The following MAP2 variants were observed in gnomAD, a reference collection of about 807,000 sequenced individuals.
The protein encoded by MAP2 is microtubule-associated protein 2.
MAP2 carries 14 observed loss-of-function variants against 137.6 expected under a neutral mutation model. The observed-to-expected ratio is 0.10, with a 90% CI of 0.07 to 0.16. The LOEUF is 0.16. MAP2 is among the 10% of genes least tolerant of loss of function. The pLI, the probability that MAP2 is intolerant of heterozygous loss-of-function variation, is 1.00. For missense variants in MAP2, 2,088 were observed against 2,191.5 expected (o/e 0.95, Z 0.94); for synonymous variants, 786 against 782.3 (o/e 1.00, Z -0.08).
intron 3 of MAP2, among the ~76,000 whole-genome samples, chr2:209,609,565 T>C (rs2086101212): frequency 6.6e-6 from 1 of 152,194 alleles, no homozygotes; most frequent in South Asian, 2.1e-4. Flanking sequence ...TTCCTGGACA[T>C]TTCATATAAG....
At chr2:209,687,131 T>C (rs765808979) in intron 7 of MAP2, among the ~76,000 whole-genome samples, 4 of 151,130 alleles carry the variant, frequency 2.6e-5, no homozygotes, top group Non-Finnish European at 5.9e-5. Flanking sequence ...TAGATTTTTC[T>C]TAACAGGATT....
chr2:209,680,150 T>C (rs1319715753), intron 6 of MAP2, among the ~76,000 whole-genome samples: 1 of 152,200 alleles, frequency 6.6e-6, no homozygotes, highest in Admixed American at 6.6e-5. Context: ...TTACTCAGCA[T>C]ATGGTTTTTG....
chr2:209,658,751 C>G (rs1200240880), intron 5 of MAP2, among the ~76,000 whole-genome samples: 1 of 152,142 alleles, frequency 6.6e-6, no homozygotes, highest in African/African-American at 2.4e-5. Flanking sequence ...AGGTGATCCA[C>G]CCACCTCGAC....
At position 209,700,352 on chromosome 2, in the gene MAP2, G is replaced by A; in HGVS notation, c.4584+14G>A. 6.3e-7 allele frequency: 1 copy of A among 1,599,236 alleles called. No individual in the cohort carries two copies. Among genetic ancestry groups the A allele is most frequent in the Non-Finnish European group, 8.5e-7 (1 of 1,169,858 alleles). The stretch of plus-strand genomic sequence containing the variant: ...GACAAAGTCTCTGTGAGTAAAATAA[G>A]TTTTTCCTTGTTCTTCATTTGAAGT... On this transcript the variant is annotated intron_variant, in intron 11 of 15. Coordinates refer to ENST00000682079, the MANE Select transcript of MAP2 (RefSeq NM_001375505.1).
At chr2:209,560,146 A>T (rs1422973685) in intron 2 of MAP2, among the ~76,000 whole-genome samples, 3 of 152,138 alleles carry the variant, frequency 2.0e-5, no homozygotes, top group African/African-American at 7.2e-5. Context: ...TCTGAGACTA[A>T]ACAGAACAGA....
chr2:209,599,205 T>G (rs1041875724), intron 3 of MAP2, among the ~76,000 whole-genome samples: 1 of 152,178 alleles, frequency 6.6e-6, no homozygotes, highest in South Asian at 2.1e-4. Context: ...CCAGTGATGG[T>G]GAGCATTTTT....
chr2:209,613,248 T>C (rs1293288457), intron 3 of MAP2, among the ~76,000 whole-genome samples: 4 of 127,700 alleles, frequency 3.1e-5, no homozygotes, highest in African/African-American at 4.9e-5. Flanking sequence ...TTTTTATTTC[T>C]ATTTTTATTT....
At chr2:209,608,033 C>T (rs1212815398) in intron 3 of MAP2, among the ~76,000 whole-genome samples, 1 of 152,176 alleles carries the variant, frequency 6.6e-6, no homozygotes, top group African/African-American at 2.4e-5. Context: ...CTGTGATCAT[C>T]TTATTTTAAA....
At chr2:209,570,018 A>T (rs16843138) in intron 2 of MAP2, among the ~76,000 whole-genome samples, 2,993 of 151,912 alleles carry the variant, frequency 0.02, 96 homozygotes, top group African/African-American at 0.068. Context: ...ATTAAAATTA[A>T]GATGTTTTCC....
intron 4 of MAP2, among the ~76,000 whole-genome samples, chr2:209,648,289 CA>C (rs2094539218): frequency 6.6e-6 from 1 of 151,854 alleles, no homozygotes; most frequent in Non-Finnish European, 1.5e-5. Flanking sequence ...TTTCTTGGGA[CA>C]GGGTTTCACC....
At chr2:209,619,915 G>A (rs762686507) in intron 3 of MAP2, among the ~76,000 whole-genome samples, 17 of 152,084 alleles carry the variant, frequency 1.1e-4, no homozygotes, top group Non-Finnish European at 1.2e-4. Flanking sequence ...GCTGTAAGAG[G>A]AAGTGATGTG....
intron 3 of MAP2, among the ~76,000 whole-genome samples, chr2:209,609,154 A>T (rs1446157948): frequency 2.6e-5 from 4 of 151,956 alleles, no homozygotes; most frequent in African/African-American, 7.3e-5. Flanking sequence ...TTAATGCCTA[A>T]TATATAGTAA....
intron 1 of MAP2, among the ~76,000 whole-genome samples, chr2:209,492,336 CTGAA>C (rs973895844): frequency 2.0e-5 from 3 of 152,148 alleles, no homozygotes; most frequent in African/African-American, 7.2e-5. Flanking sequence ...CAGTATCACA[CTGAA>C]TGGGCAAAAG....
chr2:209,498,639 A>G (rs982718558), intron 1 of MAP2, among the ~76,000 whole-genome samples: 1 of 151,932 alleles, frequency 6.6e-6, no homozygotes, highest in Non-Finnish European at 1.5e-5. Flanking sequence ...AGCCTCATTC[A>G]CTCTTGCACT....
chr2:209,502,523 G>A (rs852734), intron 1 of MAP2, among the ~76,000 whole-genome samples: 92,512 of 151,944 alleles, frequency 0.61, 28,630 homozygotes, highest in Middle Eastern at 0.67. Context: ...TATTTTGACT[G>A]TTGTAAATAA....
intron 1 of MAP2, among the ~76,000 whole-genome samples, chr2:209,481,956 C>T (rs1015871024): frequency 1.3e-5 from 2 of 152,254 alleles, no homozygotes; most frequent in Admixed American, 1.3e-4. Context: ...CACGAGCATT[C>T]TCTTCATTTA....
chr2:209,718,743 G>A (rs573421224), intron 13 of MAP2, among the ~76,000 whole-genome samples: 30 of 152,220 alleles, frequency 2.0e-4, no homozygotes, highest in Admixed American at 7.2e-4. Context: ...TCCTAAATGT[G>A]TATTTAAATA....
chr2:209,552,514 A>T (rs1267227615), intron 2 of MAP2, among the ~76,000 whole-genome samples: 1 of 152,192 alleles, frequency 6.6e-6, no homozygotes, highest in East Asian at 1.9e-4. Flanking sequence ...ATCATCTCCC[A>T]TATAGTCTCT....
intron 2 of MAP2, among the ~76,000 whole-genome samples, chr2:209,523,433 C>G (rs112978592): frequency 6.6e-6 from 1 of 152,042 alleles, no homozygotes; most frequent in Non-Finnish European, 1.5e-5. Context: ...ACTATTCCAG[C>G]GCCCTGTGTG....
Sources: allele counts gnomAD v4.1 joint callset (sites outside exome capture counted in the v4.1 genomes callset), GRCh38; gene constraint gnomAD v4.1.1; transcripts MANE v1.5; gene names NCBI Gene and HGNC (gene_info 2026-07-23, HGNC 2026-07-21).